Variants in DIO2 observed in about 807,000 individuals in gnomAD.
The protein encoded by DIO2 is type II iodothyronine deiodinase.
Under a neutral mutation model 21.4 loss-of-function variants are expected in DIO2, and 19 were observed. The observed-to-expected ratio is 0.89, with a 90% CI of 0.62 to 1.30. The LOEUF (loss-of-function observed/expected upper bound fraction) is 1.30, where lower values mean the gene tolerates loss of function less well. Ranked by LOEUF, DIO2 falls within the 50% of genes most tolerant of loss-of-function variation. The pLI is 0.00. For synonymous variants in DIO2, 122 were observed against 132.9 expected (o/e 0.92, Z 0.57); for missense variants, 302 against 338.1 (o/e 0.89, Z 0.84).
At chr14:80,228,062 T>C (rs181639226) in intron 2 of DIO2, among the ~76,000 whole-genome samples, 20 of 152,362 alleles carry the variant, frequency 1.3e-4, no homozygotes, top group Non-Finnish European at 2.4e-4. Flanking sequence ...ATAAGTCCAG[T>C]GTGTTTGCTA....
At position 80,202,306 on chromosome 14, in the gene DIO2, T is replaced by C. The variant is rs577022210; in HGVS notation, c.*383A>G. On this transcript the variant is annotated 3_prime_UTR_variant, in exon 2 of 2. Transcript: ENST00000438257. Reference sequence around the variant, plus strand: ...AATAGAGCCAAGGCAATACCCTTTATCTTAACGTAGACAGTAGCTTCCCTA... The same window carrying C: ...AATAGAGCCAAGGCAATACCCTTTACCTTAACGTAGACAGTAGCTTCCCTA... The C allele has an allele frequency of 1.9e-6, 1 of 527,014 alleles. No individual in the cohort carries two copies. The highest frequency in any genetic ancestry group is 3.8e-6 in the Non-Finnish European group (1 of 265,576). 32.6% of individuals were successfully genotyped at this position (527,014 alleles called of 1,614,324 possible).
chr14:80,202,244 T>C lies in DIO2; in HGVS notation c.*445A>G. 1 of 510,696 alleles carries C rather than the reference T, an allele frequency of 2.0e-6. No homozygotes were observed. Among genetic ancestry groups the C allele is most frequent in the East Asian group, 5.5e-5 (1 of 18,306 alleles). The allele number at this position is 510,696 out of a possible 1,614,324, so 31.6% of individuals were successfully genotyped here. A position where few individuals can be genotyped will look rare whatever the true frequency, so the allele number is the denominator to read the frequency against. ...GCCTGGGTTCAAGGACTTGTTGTAA[T>C]ATTTGGGAATTTTCCAACTGGGCTC... On this transcript the variant is annotated 3_prime_UTR_variant, in exon 2 of 2. Coordinates refer to ENST00000438257, the MANE Select transcript of DIO2 (RefSeq NM_013989.5).
rs1445088515 is a variant in DIO2 at position 80,200,424 on chromosome 14, T to A, written c.*2265A>T. 1 of 152,140 alleles carries A rather than the reference T, an allele frequency of 6.6e-6. No homozygotes were observed. The highest frequency in any genetic ancestry group is 2.4e-5 in the African/African-American group (1 of 41,252). The allele number at this position is 152,140 out of a possible 1,614,324, so 9.4% of individuals were successfully genotyped here. On this transcript the variant is annotated 3_prime_UTR_variant, in exon 2 of 2. Coordinates refer to ENST00000438257, the MANE Select transcript of DIO2 (RefSeq NM_013989.5). The stretch of plus-strand genomic sequence containing the variant: ...CTAGCACTGCCTCAGCCTAATCTCA[T>A]CCCCCCACCGGCTTATCTGACATAC...
chr14:80,228,822 C>T (rs937029312), intron 2 of DIO2, among the ~76,000 whole-genome samples: 1 of 152,160 alleles, frequency 6.6e-6, no homozygotes, highest in Non-Finnish European at 1.5e-5. Flanking sequence ...TAAGTCCCTA[C>T]TTTAACTGGA....
Position 80,198,465 on chromosome 14 carries a change from C to A in DIO2, c.*4224G>T, listed in dbSNP as rs1171510468. The A allele has an allele frequency of 6.6e-6, 1 of 152,632 alleles. No individual in the cohort carries two copies. Among genetic ancestry groups the A allele is most frequent in the Non-Finnish European group, 1.5e-5 (1 of 68,064 alleles). The allele number at this position is 152,632 out of a possible 1,614,324, so 9.5% of individuals were successfully genotyped here. ...AAGTCACTCAATGACTTGCAGCAGC[C>A]TTCAGCCTTCCTTCAGTTGCGAGAA... is the stretch of plus-strand genomic sequence containing the variant. On this transcript the variant is annotated 3_prime_UTR_variant, in exon 2 of 2. Transcript: ENST00000438257.
intron 1 of DIO2, chr14:80,205,737 T>C (rs758722588): frequency 1.4e-4 from 176 of 1,276,062 alleles, no homozygotes; most frequent in Non-Finnish European, 1.7e-4. Context: ...ACTGTCAGTC[T>C]AAAATAAAAA....
chr14:80,203,793 C>T (rs942873526), intron 1 of DIO2, among the ~76,000 whole-genome samples: 5 of 152,196 alleles, frequency 3.3e-5, no homozygotes, highest in Admixed American at 1.3e-4. Flanking sequence ...TTAATCTCAA[C>T]CAATGGCCAG....
intron 1 of DIO2, among the ~76,000 whole-genome samples, chr14:80,209,827 C>G (rs1341362445): frequency 1.3e-5 from 2 of 152,196 alleles, no homozygotes. Flanking sequence ...TAAAATTTCC[C>G]TAGTTCACAA....
At position 80,202,542 on chromosome 14, in the gene DIO2, G is replaced by A. The variant is rs945831055; in HGVS notation, c.*147C>T. 1 of 818,662 alleles carries A rather than the reference G, an allele frequency of 1.2e-6. No individual in the cohort carries two copies. The highest frequency in any genetic ancestry group is 2.6e-5 in the East Asian group (1 of 38,002). The allele number at this position is 818,662 out of a possible 1,614,324, so 50.7% of individuals were successfully genotyped here. A position where few individuals can be genotyped will look rare whatever the true frequency, so the allele number is the denominator to read the frequency against. On this transcript the variant is annotated 3_prime_UTR_variant, in exon 2 of 2. Transcript: ENST00000438257. ...CCATTTGAGTAGTGAAAGAAGTATG[G>A]AGCTGTTAGAGATTCATGTTCTTCC...
chr14:80,211,390 T>C lies in DIO2; in HGVS notation c.83A>G (p.Tyr28Cys). 1.9e-6 allele frequency: 3 copies of C among 1,613,608 alleles called. No individual in the cohort carries two copies. The highest frequency in any genetic ancestry group is 2.5e-6 in the Non-Finnish European group (3 of 1,179,796). The change falls in exon 1 of 2, where the codon TAT becomes TGT. Residue 28 changes from tyrosine (Y) to cysteine (C), a missense_variant. Physicochemically the swap from Tyr to Cys is radical, Grantham distance 194. Coordinates refer to ENST00000438257, the MANE Select transcript of DIO2 (RefSeq NM_013989.5). ...GTGCTTGAGCAGAATGACCGAGTCATAGAGAGCCAGGAAGAGGCAGTTGGA... is the reference window on the plus strand; with the variant it reads ...GTGCTTGAGCAGAATGACCGAGTCACAGAGAGCCAGGAAGAGGCAGTTGGA... The part of the protein sequence containing the change: ...FFSNCLFLAL[Y>C]DSVILLKHVV...
chr14:80,199,957 A>C lies in DIO2; in HGVS notation c.*2732T>G, dbSNP rs1887649587. On this transcript the variant is annotated 3_prime_UTR_variant, in exon 2 of 2. Coordinates refer to ENST00000438257, the MANE Select transcript of DIO2 (RefSeq NM_013989.5). ...AAACCTTATAAAACACATGAAACGC[A>C]CATGAGTATTGGCAATCTAATAATT... 1 of 152,624 alleles carries C rather than the reference A, an allele frequency of 6.6e-6. No homozygotes were observed. The highest frequency in any genetic ancestry group is 2.4e-5 in the African/African-American group (1 of 41,462). 9.5% of individuals were successfully genotyped at this position (152,624 alleles called of 1,614,324 possible).
At chr14:80,205,713 AGAGT>A (rs767611570) in intron 1 of DIO2, 4 of 1,324,544 alleles carry the variant, frequency 3.0e-6, no homozygotes, top group Non-Finnish European at 4.0e-6. Context: ...TGGGAAATTT[AGAGT>A]AAGTACAACA....
intron 2 of DIO2, among the ~76,000 whole-genome samples, chr14:80,220,731 G>A (rs2140018079): frequency 6.6e-6 from 1 of 152,186 alleles, no homozygotes; most frequent in East Asian, 1.9e-4. Context: ...CTAAACCTCA[G>A]GAAATTACTC....
At chr14:80,228,948 A>G (rs1888631913) in intron 2 of DIO2, among the ~76,000 whole-genome samples, 1 of 152,088 alleles carries the variant, frequency 6.6e-6, no homozygotes, top group Admixed American at 6.6e-5. Flanking sequence ...ACCCTGGTAA[A>G]AGGTTGGAGG....
intron 1 of DIO2, among the ~76,000 whole-genome samples, chr14:80,206,751 C>T (rs1208517328): frequency 6.6e-6 from 1 of 152,148 alleles, no homozygotes; most frequent in African/African-American, 2.4e-5. Flanking sequence ...CCACAAGTTA[C>T]CTATCATCTT....
chr14:80,225,450 G>A (rs772284859), intron 2 of DIO2, among the ~76,000 whole-genome samples: 17 of 152,144 alleles, frequency 1.1e-4, no homozygotes, highest in Non-Finnish European at 2.2e-4. Context: ...TAAATCTTAT[G>A]CTCCATGATA....
chr14:80,203,722 C>T (rs977127670), intron 1 of DIO2, among the ~76,000 whole-genome samples: 6 of 152,200 alleles, frequency 3.9e-5, no homozygotes, highest in East Asian at 1.9e-4. Context: ...GACATGGTCC[C>T]TCTTTCTGAA....
intron 1 of DIO2, chr14:80,206,331 C>T (rs1416892699): frequency 2.0e-6 from 3 of 1,529,444 alleles, no homozygotes; most frequent in African/African-American, 2.8e-5. Context: ...TGATGGAGGA[C>T]AATTTAGCTA....
intron 2 of DIO2, among the ~76,000 whole-genome samples, chr14:80,227,508 T>C (rs1021346294): frequency 1.3e-5 from 2 of 152,192 alleles, no homozygotes; most frequent in African/African-American, 4.8e-5. Context: ...ACATTCAGTT[T>C]CCACCAAGGC....
Sources: gnomAD v4.1 joint callset for allele counts (sites outside exome capture counted in the v4.1 genomes callset) on GRCh38, gnomAD v4.1.1 for gene constraint, MANE v1.5 for transcripts, NCBI Gene and HGNC (gene_info 2026-07-23, HGNC 2026-07-21) for gene names.